ZCCHC7: variants seen among roughly 807,000 people sequenced by gnomAD.
ZCCHC7 encodes zinc finger CCHC-type containing 7.
ZCCHC7 carries 35 observed loss-of-function variants against 52.0 expected under a neutral mutation model. The observed-to-expected ratio is 0.67, with a 90% CI of 0.51 to 0.89. The LOEUF (loss-of-function observed/expected upper bound fraction) is 0.89. Ranked by LOEUF, ZCCHC7 falls within the 40% of genes least tolerant of loss-of-function variation. ZCCHC7 has a pLI of 0.00. For synonymous variants in ZCCHC7, 217 were observed against 221.5 expected (o/e 0.98, Z 0.18); for missense variants, 574 against 649.1 (o/e 0.88, Z 1.26).
intron 2 of ZCCHC7, among the ~76,000 whole-genome samples, chr9:37,211,497 C>G (rs1186229931): frequency 6.6e-6 from 1 of 151,202 alleles, no homozygotes; most frequent in African/African-American, 2.5e-5. Flanking sequence ...TGCTTTGATT[C>G]ACACTAGAGA....
At chr9:37,219,839 T>A (rs1404933483) in intron 2 of ZCCHC7, among the ~76,000 whole-genome samples, 2 of 152,228 alleles carry the variant, frequency 1.3e-5, no homozygotes, top group Admixed American at 6.5e-5. Context: ...TTTTCTTATT[T>A]TATTTTTTGA....
intron 2 of ZCCHC7, among the ~76,000 whole-genome samples, chr9:37,172,222 G>A (rs1257324256): frequency 6.6e-6 from 1 of 152,134 alleles, no homozygotes; most frequent in African/African-American, 2.4e-5. Context: ...AAAATTTGCT[G>A]GGCAGGTTCA....
chr9:37,233,063 C>T (rs1325693547), intron 2 of ZCCHC7, among the ~76,000 whole-genome samples: 1 of 152,072 alleles, frequency 6.6e-6, no homozygotes, highest in African/African-American at 2.4e-5. Flanking sequence ...TTAATGGATT[C>T]CTATAGGTAA....
intron 2 of ZCCHC7, among the ~76,000 whole-genome samples, chr9:37,171,653 C>G (rs1821736356): frequency 6.6e-6 from 1 of 151,990 alleles, no homozygotes; most frequent in South Asian, 2.1e-4. Context: ...CTCCTAGGCT[C>G]AGGCAATCCT....
chr9:37,293,481 G>A (rs2133643380), intron 2 of ZCCHC7, among the ~76,000 whole-genome samples: 1 of 152,224 alleles, frequency 6.6e-6, no homozygotes, highest in South Asian at 2.1e-4. Flanking sequence ...GTAGCTTCTT[G>A]ATTAGATTTA....
At chr9:37,120,846 C>T (rs1016885477) in intron 1 of ZCCHC7, 3 of 242,180 alleles carry the variant, frequency 1.2e-5, no homozygotes, top group Non-Finnish European at 2.4e-5. Flanking sequence ...CCCTGGCTTT[C>T]CAAGGGCTAA....
chr9:37,191,403 CTTTTA>C (rs1823015787), intron 2 of ZCCHC7, among the ~76,000 whole-genome samples: 1 of 152,036 alleles, frequency 6.6e-6, no homozygotes, highest in Admixed American at 6.6e-5. Flanking sequence ...TCTCCTTTCT[CTTTTA>C]TATTTCTTAC....
chr9:37,235,818 G>T (rs537769565), intron 2 of ZCCHC7, among the ~76,000 whole-genome samples: 2 of 151,732 alleles, frequency 1.3e-5, no homozygotes, highest in African/African-American at 2.4e-5. Flanking sequence ...TCCATCTCCT[G>T]ACCTCGTGAT....
chr9:37,298,732 C>T (rs1159328790), intron 2 of ZCCHC7, among the ~76,000 whole-genome samples: 1 of 152,110 alleles, frequency 6.6e-6, no homozygotes, highest in Admixed American at 6.5e-5. Flanking sequence ...AAATTGAATC[C>T]TACTGTATTT....
chr9:37,331,763 A>G (rs1027315693), intron 6 of ZCCHC7, among the ~76,000 whole-genome samples: 1 of 151,598 alleles, frequency 6.6e-6, no homozygotes, highest in East Asian at 1.9e-4. Context: ...GGATTCCTAA[A>G]TATCTTTCTG....
intron 2 of ZCCHC7, among the ~76,000 whole-genome samples, chr9:37,278,665 A>G (rs1827804783): frequency 6.6e-6 from 1 of 152,222 alleles, no homozygotes; most frequent in African/African-American, 2.4e-5. Context: ...CAAATTGATG[A>G]AAACTAATGA....
intron 2 of ZCCHC7, among the ~76,000 whole-genome samples, chr9:37,221,422 A>G (rs1280064015): frequency 6.6e-6 from 1 of 152,236 alleles, no homozygotes; most frequent in Admixed American, 6.5e-5. Flanking sequence ...TGAATAAACA[A>G]TGGCTATGGA....
chr9:37,296,618 T>C (rs1024955948), intron 2 of ZCCHC7, among the ~76,000 whole-genome samples: 7 of 151,674 alleles, frequency 4.6e-5, no homozygotes, highest in Non-Finnish European at 1.0e-4. Flanking sequence ...AACCATGAGC[T>C]CACAGTCTAT....
intron 2 of ZCCHC7, among the ~76,000 whole-genome samples, chr9:37,247,268 C>T (rs1490510868): frequency 1.3e-5 from 2 of 152,090 alleles, no homozygotes; most frequent in African/African-American, 4.8e-5. Flanking sequence ...TTGCTGTTTC[C>T]AGTTTAAAAA....
chr9:37,253,376 A>G (rs1189350937), intron 2 of ZCCHC7, among the ~76,000 whole-genome samples: 1 of 152,014 alleles, frequency 6.6e-6, no homozygotes, highest in Non-Finnish European at 1.5e-5. Flanking sequence ...GTGTCAATGC[A>G]AATTTTAATT....
rs1315144359 is a variant in ZCCHC7, at chr9:37,148,920, G to A, written c.610+21978G>A. Among the ~76,000 whole-genome samples, 4 of 152,092 alleles carry A rather than the reference G, an allele frequency of 2.6e-5. No individual in the cohort carries two copies. In the East Asian group the frequency reaches 7.7e-4, roughly 29 times the overall value. On this transcript the variant is annotated intron_variant, in intron 2 of 8. Coordinates refer to ENST00000336755, the MANE Select transcript of ZCCHC7 (RefSeq NM_032226.3). ...CACTGTCAGTTACCACTATTTAGGA[G>A]TTAAGTTGGTGGCAGTGCTGCTGAA...
chr9:37,144,121 A>T (rs1016164206), intron 2 of ZCCHC7, among the ~76,000 whole-genome samples: 2 of 151,866 alleles, frequency 1.3e-5, no homozygotes, highest in African/African-American at 4.8e-5. Flanking sequence ...TATGCTAGTG[A>T]TTGGCTTACT....
intron 6 of ZCCHC7, among the ~76,000 whole-genome samples, chr9:37,331,374 T>G (rs1830442660): frequency 6.6e-6 from 1 of 151,634 alleles, no homozygotes; most frequent in South Asian, 2.1e-4. Context: ...TGTCCTTACC[T>G]GGAAATACCC....
chr9:37,238,963 G>A (rs554212253), intron 2 of ZCCHC7, among the ~76,000 whole-genome samples: 1 of 152,098 alleles, frequency 6.6e-6, no homozygotes, highest in African/African-American at 2.4e-5. Context: ...CATGTTGATT[G>A]TTTCTGCCAT....
Sources: gnomAD v4.1 joint callset for allele counts (sites outside exome capture counted in the v4.1 genomes callset) on GRCh38, gnomAD v4.1.1 for gene constraint, MANE v1.5 for transcripts, NCBI Gene and HGNC (gene_info 2026-07-23, HGNC 2026-07-21) for gene names.